The following AKNAD1 variants were observed in gnomAD, a reference collection of about 807,000 sequenced individuals.
The protein encoded by AKNAD1 is AKNA domain containing 1, also known as protein AKNAD1.
In AKNAD1, 67 loss-of-function variants were observed where a neutral mutation model predicts 90.8. The observed-to-expected ratio is 0.74, with a 90% CI of 0.61 to 0.90. The LOEUF (loss-of-function observed/expected upper bound fraction) is 0.90, where lower values mean the gene tolerates loss of function less well. Ranked by LOEUF, AKNAD1 falls within the 40% of genes least tolerant of loss-of-function variation. AKNAD1 has a pLI of 0.00. For synonymous variants in AKNAD1, 327 were observed against 341.4 expected (o/e 0.96, Z 0.46); for missense variants, 957 against 975.4 (o/e 0.98, Z 0.25).
intron 15 of AKNAD1, chr1:108,816,747 C>T (rs1380546527): frequency 6.1e-6 from 2 of 328,756 alleles, no homozygotes; most frequent in East Asian, 1.3e-4. Context: ...CAACTCTGAT[C>T]ACAGTGTCAC....
At chr1:108,852,963 G>GA (rs537045146) in intron 1 of AKNAD1, among the ~76,000 whole-genome samples, 196 bp from the exon 2 acceptor site, 62 of 144,332 alleles carry the variant, frequency 4.3e-4, no homozygotes, top group Admixed American at 8.9e-4. Flanking sequence ...AGGAATGGGG[G>GA]AAAAAAAAAA....
intron 9 of AKNAD1, among the ~76,000 whole-genome samples, chr1:108,833,260 A>G (rs1223712767): frequency 6.6e-6 from 1 of 152,152 alleles, no homozygotes; most frequent in Non-Finnish European, 1.5e-5. Flanking sequence ...TATATAGGAG[A>G]AAAAAAGACT....
At position 108,830,638 on chromosome 1, in the gene AKNAD1, C is replaced by T. The variant is rs370337411; in HGVS notation, c.1759G>A (p.Gly587Ser). 11 of 1,613,940 alleles carry T rather than the reference C, an allele frequency of 6.8e-6. No homozygotes were observed. Among genetic ancestry groups the T allele is most frequent in the Middle Eastern group, 1.6e-4 (1 of 6,084 alleles). The part of the protein sequence containing the change: ...LSSNSGEDPN[G>S]TPRRQDCAEM... The stretch of plus-strand genomic sequence containing the variant: ...GCACAATCCTGCCTTCTTGGAGTGC[C>T]GTTGGGATCCTCCTGCGCCACAAAG... Residue 587 changes from glycine to serine, a missense_variant, in exon 10 of 16, where the codon GGC becomes AGC. By Grantham distance (56) the Gly-to-Ser change is moderately conservative. Coordinates refer to ENST00000370001, the MANE Select transcript of AKNAD1 (RefSeq NM_152763.5).
intron 2 of AKNAD1, among the ~76,000 whole-genome samples, chr1:108,851,201 G>A (rs746930111): frequency 9.2e-5 from 14 of 152,278 alleles, no homozygotes; most frequent in South Asian, 2.1e-4. Flanking sequence ...CTGATGGAAC[G>A]ACTAAACAAG....
chr1:108,845,720 TA>T (rs1452466692), intron 5 of AKNAD1, among the ~76,000 whole-genome samples: 1 of 152,200 alleles, frequency 6.6e-6, no homozygotes, highest in Non-Finnish European at 1.5e-5. Flanking sequence ...TAGACCTGAC[TA>T]AACTGGGGAA....
intron 10 of AKNAD1, among the ~76,000 whole-genome samples, chr1:108,828,454 AC>A (rs1188455878): frequency 6.6e-6 from 1 of 151,786 alleles, no homozygotes; most frequent in Non-Finnish European, 1.5e-5. Context: ...CTCCTGGGAT[AC>A]AGTCATAGCC....
At chr1:108,853,120 A>C (rs2101221680) in intron 1 of AKNAD1, among the ~76,000 whole-genome samples, 1 of 131,304 alleles carries the variant, frequency 7.6e-6, no homozygotes, top group African/African-American at 3.2e-5. Context: ...TAAAGGATTG[A>C]TTTTTTTTCT....
chr1:108,825,723 T>C (rs192950072), intron 11 of AKNAD1, among the ~76,000 whole-genome samples: 1 of 149,940 alleles, frequency 6.7e-6, no homozygotes, highest in African/African-American at 2.5e-5. Context: ...ATCATTTAGA[T>C]TTCCCAAAAC....
chr1:108,848,606 G>T, intron 5 of AKNAD1, 146 bp downstream of exon 5: 1 of 692,544 alleles, frequency 1.4e-6, no homozygotes, highest in South Asian at 2.0e-5. Flanking sequence ...AGCTCTTTTA[G>T]CCCCCATAAA....
intron 10 of AKNAD1, among the ~76,000 whole-genome samples, chr1:108,827,979 TG>T (rs1243490371): frequency 6.7e-6 from 1 of 150,122 alleles, no homozygotes; most frequent in Admixed American, 6.7e-5. Context: ...AGGCTGGGTA[TG>T]GTGGCTCATG....
chr1:108,827,244 C>A lies in AKNAD1; in HGVS notation c.1897G>T (p.Val633Phe). Residue 633 changes from valine (V) to phenylalanine (F), a missense_variant, in exon 11 of 16, where the codon GTC becomes TTC. By Grantham distance (50) the Val-to-Phe change is conservative (BLOSUM62 -1). Transcript: ENST00000370001. ...GRINCGRFSI[V>F]LHEKAPHSDS... ...GAGTGTGGTGCCTTTTCATGAAGGA[C>A]AATTGAAAATCTTCCACAGTTGATC... The A allele has an allele frequency of 6.2e-7, 1 of 1,611,818 alleles. No homozygotes were observed. The highest frequency in any genetic ancestry group is 8.5e-7 in the Non-Finnish European group (1 of 1,179,466).
At chr1:108,830,979 C>T (rs10494100) in intron 9 of AKNAD1, among the ~76,000 whole-genome samples, 23,015 of 152,226 alleles carry the variant, frequency 0.15, 2,023 homozygotes, top group African/African-American at 0.25. Context: ...ACAGAATACT[C>T]TCCCCTTTTT....
At chr1:108,826,062 A>G (rs187842376) in intron 11 of AKNAD1, among the ~76,000 whole-genome samples, 3 of 151,802 alleles carry the variant, frequency 2.0e-5, no homozygotes, top group African/African-American at 7.2e-5. Flanking sequence ...GGTTTCAGGA[A>G]ACCCCAGGGA....
Position 108,827,203 on chromosome 1 carries a change from ACTGGGAGTTGAAT to A in AKNAD1, c.1925_1936+1del, listed in dbSNP as rs760877918. 1 of 1,605,728 alleles carries A rather than the reference ACTGGGAGTTGAAT, an allele frequency of 6.2e-7. No individual in the cohort carries two copies. The highest frequency in any genetic ancestry group is 8.5e-7 in the Non-Finnish European group (1 of 1,174,442). On this transcript the variant is annotated splice_donor_variant and coding_sequence_variant, in exon 11 of 16. Transcript: ENST00000370001. LOFTEE classifies it high-confidence loss of function. ...GCACCCAGCCCAAGCCCATCAACTT[ACTGGGAGTTGAAT>A]CTGAGTGTGGTGCCTTTTCATGAAG...
At chr1:108,855,030 T>A (rs2101225070) in intron 1 of AKNAD1, among the ~76,000 whole-genome samples, 1 of 152,306 alleles carries the variant, frequency 6.6e-6, no homozygotes, top group Non-Finnish European at 1.5e-5. Flanking sequence ...AGTCTCAGTA[T>A]TGGAATACTG....
At chr1:108,837,788 A>G (rs1664430942) in intron 6 of AKNAD1, 82 bp from the exon 7 acceptor site, 7 of 1,395,782 alleles carry the variant, frequency 5.0e-6, no homozygotes, top group African/African-American at 1.4e-5. Context: ...TGAATACAGC[A>G]TTGATTTATA....
intron 11 of AKNAD1, among the ~76,000 whole-genome samples, chr1:108,825,582 C>G (rs530734404): frequency 6.6e-6 from 1 of 151,614 alleles, no homozygotes; most frequent in South Asian, 2.1e-4. Context: ...ATAATATATA[C>G]CATTTTATAT....
chr1:108,827,908 A>C (rs2101172847), intron 10 of AKNAD1, among the ~76,000 whole-genome samples: 1 of 151,692 alleles, frequency 6.6e-6, no homozygotes, highest in Non-Finnish European at 1.5e-5. Flanking sequence ...CATTCACAAA[A>C]CACATTTGAA....
intron 9 of AKNAD1, 146 bp from the exon 10 acceptor site, chr1:108,830,796 G>T: frequency 1.4e-6 from 1 of 703,284 alleles, no homozygotes. Context: ...CTCCAGTTGG[G>T]GAAAGGGAGG....
Sources: gnomAD v4.1 joint callset for allele counts (sites outside exome capture counted in the v4.1 genomes callset) on GRCh38, gnomAD v4.1.1 for gene constraint, MANE v1.5 for transcripts, NCBI Gene and HGNC (gene_info 2026-07-23, HGNC 2026-07-21) for gene names.